VPS13D: variants seen among roughly 807,000 people sequenced by gnomAD.
The protein encoded by VPS13D is vacuolar protein sorting 13 homolog D, also known as intermembrane lipid transfer protein VPS13D.
A neutral mutation model predicts 461.9 loss-of-function variants in VPS13D; 187 were observed. The observed-to-expected ratio is 0.40, with a 90% CI of 0.36 to 0.46. The LOEUF (loss-of-function observed/expected upper bound fraction) is 0.46. Ranked by LOEUF, VPS13D falls within the 20% of genes least tolerant of loss-of-function variation. The pLI is 0.60. For missense variants in VPS13D, 4,711 were observed against 5,364.9 expected (o/e 0.88, Z 3.81); for synonymous variants, 1,951 against 1,986.3 (o/e 0.98, Z 0.47).
chr1:12,382,833 A>G (rs1027307394), intron 57 of VPS13D, 143 bp from the exon 58 acceptor site: 3 of 692,992 alleles, frequency 4.3e-6, no homozygotes, highest in African/African-American at 1.8e-5. Flanking sequence ...AAAGCTGAAC[A>G]AATAGTAAAG....
At chr1:12,270,946 C>T in intron 16 of VPS13D, 48 bp from the exon 17 acceptor site, 1 of 1,602,392 alleles carries the variant, frequency 6.2e-7, no homozygotes, top group Non-Finnish European at 8.5e-7. Flanking sequence ...TTTTGTTCAC[C>T]CAGCCGTGTG....
chr1:12,450,773 G>T (rs963240217), intron 65 of VPS13D, among the ~76,000 whole-genome samples: 2 of 152,062 alleles, frequency 1.3e-5, no homozygotes, highest in Non-Finnish European at 2.9e-5. Context: ...CTTAAAAATG[G>T]GCTTACCCGG....
At chr1:12,480,010 G>A (rs1293393995) in intron 67 of VPS13D, among the ~76,000 whole-genome samples, 3 of 152,152 alleles carry the variant, frequency 2.0e-5, no homozygotes, top group African/African-American at 7.2e-5. Context: ...AAACAGCAGT[G>A]GGCCTGAGCA....
At chr1:12,463,074 A>G (rs1006250319) in intron 67 of VPS13D, among the ~76,000 whole-genome samples, 5 of 152,174 alleles carry the variant, frequency 3.3e-5, no homozygotes. Context: ...AGGAAAAAAA[A>G]AAACAACAAC....
intron 1 of VPS13D, among the ~76,000 whole-genome samples, 178 bp from the exon 2 acceptor site, chr1:12,234,013 A>G (rs1271566713): frequency 6.6e-6 from 1 of 152,184 alleles, no homozygotes; most frequent in Non-Finnish European, 1.5e-5. Context: ...GTGCCACTGC[A>G]CCCCAGCCTG....
intron 65 of VPS13D, among the ~76,000 whole-genome samples, chr1:12,419,529 C>G (rs567967727): frequency 1.3e-5 from 2 of 152,244 alleles, no homozygotes; most frequent in South Asian, 4.2e-4. Context: ...AGCTTCCAAT[C>G]ATGGTGGAAG....
In VPS13D at chr1:12,400,166, T is replaced by G; in HGVS notation, c.11635-15T>G. Reference sequence around the variant, plus strand: ...CTGTTTTTGTTTTTGCTTTGCTACCTTTCCATGGCCGTAGGTGGACAATCA... The same window carrying G: ...CTGTTTTTGTTTTTGCTTTGCTACCGTTCCATGGCCGTAGGTGGACAATCA... On this transcript the variant is annotated splice_polypyrimidine_tract_variant and intron_variant, in intron 60 of 69. Transcript: ENST00000620676. 6.2e-7 allele frequency: 1 copy of G among 1,609,542 alleles called. No homozygotes were observed. The highest frequency in any genetic ancestry group is 8.5e-7 in the Non-Finnish European group (1 of 1,177,294).
rs1405746696 is a variant in VPS13D at position 12,323,752 on chromosome 1, T to C, written c.7962T>C (p.Asp2654=). 6.2e-7 allele frequency: 1 copy of C among 1,614,082 alleles called. No homozygotes were observed. The highest frequency in any genetic ancestry group is 2.2e-5 in the East Asian group (1 of 44,868). ...RLQELGFSMD[D]CRKALLACQG... Reference sequence around the variant, plus strand: ...AGGAGCTGGGATTCAGCATGGATGATTGTCGCAAAGCTCTTTTGGCGTGTC... The same window carrying C: ...AGGAGCTGGGATTCAGCATGGATGACTGTCGCAAAGCTCTTTTGGCGTGTC... The change falls in exon 35 of 70, where the codon GAT becomes GAC. Residue 2654 remains aspartate, a synonymous_variant. Transcript: ENST00000620676.
At chr1:12,250,604 C>G (rs1405617362) in intron 6 of VPS13D, among the ~76,000 whole-genome samples, 1 of 152,190 alleles carries the variant, frequency 6.6e-6, no homozygotes, top group East Asian at 1.9e-4. Flanking sequence ...AGTTTTGAGC[C>G]CTTTTATATG....
intron 60 of VPS13D, among the ~76,000 whole-genome samples, chr1:12,399,582 G>A (rs1370073169): frequency 6.6e-6 from 1 of 152,050 alleles, no homozygotes; most frequent in Non-Finnish European, 1.5e-5. Flanking sequence ...CCCTTTGGGA[G>A]GCCAAGGTGG....
In VPS13D at chr1:12,282,716, A is replaced by C; in HGVS notation, c.4614A>C (p.Ala1538=). The C allele has an allele frequency of 6.2e-7, 1 of 1,602,222 alleles. No individual in the cohort carries two copies. The highest frequency in any genetic ancestry group is 1.7e-5 in the Admixed American group (1 of 59,200). ...TCTTTTCAATACAGGTGGTGTTAGC[A>C]AAGCATGTATATGAGCAGGTTTTAC... is the stretch of plus-strand genomic sequence containing the variant. The part of the protein sequence containing the change: ...KFVNPVQVVL[A]KHVYEQVLQT... Residue 1538 remains alanine (A), a synonymous_variant, in exon 21 of 70, where the codon GCA becomes GCC. Coordinates refer to ENST00000620676, the MANE Select transcript of VPS13D (RefSeq NM_015378.4).
chr1:12,299,951 G>A lies in VPS13D; in HGVS notation c.6216+567G>A, dbSNP rs1642374587. Among the ~76,000 whole-genome samples the A allele has an allele frequency of 6.6e-6, 1 of 150,814 alleles. No individual in the cohort carries two copies. Reference sequence around the variant, plus strand: ...TTAGATACAGGGGGTACATGTGCAGGTTTCTTAGATGGGTATATTGCACCC... The same window carrying A: ...TTAGATACAGGGGGTACATGTGCAGATTTCTTAGATGGGTATATTGCACCC... On this transcript the variant is annotated intron_variant, in intron 25 of 69. Transcript: ENST00000620676. The surrounding 1 kb of genome is among the most constrained non-coding windows in gnomAD (Gnocchi z 4.2).
rs1295640247 is a variant in VPS13D at position 12,242,561 on chromosome 1, A to G, written c.146A>G (p.Glu49Gly). The change falls in exon 3 of 70, where the codon GAA becomes GGA. Residue 49 changes from glutamate to glycine, a missense_variant. Around this residue, in one of 3 missense-constraint regions of VPS13D, gnomAD observed 4,411 missense variants for 4,937.8 expected, o/e 0.89. Coordinates refer to ENST00000620676, the MANE Select transcript of VPS13D (RefSeq NM_015378.4). ...NLPLKKDALK[E>G]LELPFEVKAG... ...CCATTAAAGAAAGATGCCTTGAAAG[A>G]ATTGGAATTACCATTTGAAGTCAAA... 6.2e-7 allele frequency: 1 copy of G among 1,614,176 alleles called. No homozygotes were observed. Among genetic ancestry groups the G allele is most frequent in the South Asian group, 1.1e-5 (1 of 91,074 alleles).
At chr1:12,444,795 T>G (rs899612385) in intron 65 of VPS13D, among the ~76,000 whole-genome samples, 1 of 152,220 alleles carries the variant, frequency 6.6e-6, no homozygotes, top group Non-Finnish European at 1.5e-5. Flanking sequence ...CCTGTTTTCT[T>G]ACATATCTGG....
intron 30 of VPS13D, among the ~76,000 whole-genome samples, chr1:12,316,545 T>G (rs930682914): frequency 1.3e-5 from 2 of 152,178 alleles, no homozygotes; most frequent in Non-Finnish European, 1.5e-5. Context: ...ACATTTTTTC[T>G]CCATTACACA....
chr1:12,466,620 G>A (rs1040615177), intron 67 of VPS13D, among the ~76,000 whole-genome samples: 1 of 152,156 alleles, frequency 6.6e-6, no homozygotes, highest in Non-Finnish European at 1.5e-5. Context: ...GTTCCAGCAC[G>A]CTCCTTCCAG....
chr1:12,407,234 T>G (rs1310563780), intron 63 of VPS13D: 4 of 152,164 alleles, frequency 2.6e-5, no homozygotes, highest in Non-Finnish European at 5.9e-5. Flanking sequence ...AAATAAACCT[T>G]TAAAGAATGA....
intron 50 of VPS13D, among the ~76,000 whole-genome samples, chr1:12,359,424 C>T (rs1009870137): frequency 6.6e-6 from 1 of 152,100 alleles, no homozygotes. Flanking sequence ...AGCCACTAGC[C>T]ACATGTGGCT....
chr1:12,252,056 G>A (rs1417085491), intron 6 of VPS13D, among the ~76,000 whole-genome samples: 4 of 152,076 alleles, frequency 2.6e-5, no homozygotes, highest in South Asian at 2.1e-4. Context: ...CTCTGCCTCC[G>A]TCTTCATGTG....
Sources: allele counts gnomAD v4.1 joint callset (sites outside exome capture counted in the v4.1 genomes callset), GRCh38; gene constraint gnomAD v4.1.1; regional missense constraint gnomAD v4.1.1; non-coding constraint Gnocchi (gnomAD v3.1); transcripts MANE v1.5; gene names NCBI Gene and HGNC (gene_info 2026-07-23, HGNC 2026-07-21).